The following IL18 variants were observed in gnomAD, a reference collection of about 807,000 sequenced individuals.
IL18 encodes the protein interleukin-18.
Under a neutral mutation model 14.2 loss-of-function variants are expected in IL18, and 8 were observed. The observed-to-expected ratio is 0.56, with a 90% CI of 0.33 to 1.01. The LOEUF (loss-of-function observed/expected upper bound fraction) is 1.01. Ranked by LOEUF, IL18 falls within the 50% of genes least tolerant of loss-of-function variation. The pLI, the probability that IL18 is intolerant of heterozygous loss-of-function variation, is 0.03. For missense variants in IL18, 166 were observed against 231.1 expected, an observed-to-expected ratio of 0.72 and a Z score of 1.83; for synonymous variants, 67 against 71.0, an observed-to-expected ratio of 0.94 and a Z score of 0.28.
chr11:112,162,676 G>T (rs1353997836), intron 1 of IL18, among the ~76,000 whole-genome samples: 1 of 152,166 alleles, frequency 6.6e-6, no homozygotes, highest in Non-Finnish European at 1.5e-5. Flanking sequence ...GAACAGTCCT[G>T]CTATTTTGCA....
chr11:112,143,775 T>C lies in IL18; in HGVS notation c.403A>G (p.Ile135Val), dbSNP rs777830417. ...PDNIKDTKSD[I>V]IFFQRSVPGH... is the part of the protein sequence containing the mutation. ...GGGACACTTCTCTGAAAGAATATGA[T>C]GTCACTTTTTGTATCCTTGATGTTA... Residue 135 changes from isoleucine to valine, a missense_variant, in exon 6 of 6, where the codon ATC becomes GTC. Ile to Val is a conservative substitution (Grantham distance 29, BLOSUM62 3). Transcript: ENST00000280357. 1 of 1,612,056 alleles carries C rather than the reference T, an allele frequency of 6.2e-7. No individual in the cohort carries two copies. Among genetic ancestry groups the C allele is most frequent in the South Asian group, 1.1e-5 (1 of 91,032 alleles).
chr11:112,162,546 T>C (rs375726596), intron 1 of IL18, among the ~76,000 whole-genome samples: 1 of 152,094 alleles, frequency 6.6e-6, no homozygotes, highest in East Asian at 1.9e-4. Flanking sequence ...GTTTTTGCCA[T>C]GTTGCCCAGG....
intron 1 of IL18, among the ~76,000 whole-genome samples, chr11:112,158,521 G>GTTGTTTTTT (rs368733048): frequency 9.5e-6 from 1 of 104,984 alleles, no homozygotes; most frequent in African/African-American, 3.6e-5. Flanking sequence ...TTTATTTGGA[G>GTTGTTTTTT]TTTTTTTTTT....
Position 112,143,302 on chromosome 11 carries a change from T to C in IL18, c.*294A>G. ...TATTTATTTATTTTATTTTTTGAGA[T>C]GGAGTTTTGCTGTTGTTGCCCAGGC... On this transcript the variant is annotated 3_prime_UTR_variant, in exon 6 of 6. Transcript: ENST00000280357. 1 of 204,614 alleles carries C rather than the reference T, an allele frequency of 4.9e-6. No individual in the cohort carries two copies. The highest frequency in any genetic ancestry group is 9.7e-6 in the Non-Finnish European group (1 of 102,770). 12.7% of individuals were successfully genotyped at this position (204,614 alleles called of 1,614,324 possible). A position where few individuals can be genotyped will look rare whatever the true frequency, so the allele number is the denominator to read the frequency against.
chr11:112,148,938 C>T (rs552834311), intron 4 of IL18, among the ~76,000 whole-genome samples: 4 of 151,420 alleles, frequency 2.6e-5, no homozygotes, highest in Admixed American at 6.6e-5. Flanking sequence ...GCCTGTAATC[C>T]CAGCATTTAA....
intron 1 of IL18, among the ~76,000 whole-genome samples, chr11:112,157,490 T>A (rs1866553625): frequency 6.6e-6 from 1 of 152,182 alleles, no homozygotes; most frequent in Non-Finnish European, 1.5e-5. Flanking sequence ...GAGAGTTGGC[T>A]CCTACTCTCC....
At chr11:112,147,126 C>T (rs1167752354) in intron 5 of IL18, among the ~76,000 whole-genome samples, 1 of 151,642 alleles carries the variant, frequency 6.6e-6, no homozygotes, top group African/African-American at 2.4e-5. Context: ...GATGGGGTTT[C>T]TCCATGTTGG....
intron 5 of IL18, among the ~76,000 whole-genome samples, chr11:112,145,160 C>T (rs1240405061): frequency 2.0e-5 from 3 of 152,152 alleles, no homozygotes; most frequent in Non-Finnish European, 4.4e-5. Flanking sequence ...GCAGAGGTCA[C>T]GGGGTTACCT....
intron 1 of IL18, among the ~76,000 whole-genome samples, chr11:112,156,031 T>A (rs2135319982): frequency 6.6e-6 from 1 of 152,324 alleles, no homozygotes. Context: ...ACTTTGAAAT[T>A]ACAGAAGTTT....
rs774720131 is a variant in IL18 at position 112,143,687 on chromosome 11, T to G, written c.491A>C (p.Glu164Ala). Reference sequence around the variant, plus strand: ...GAGTTTAAAAAGGTCTCTCTCTTTTTCACAAGCTAGAAAGTATCCTTCGTA... The same window carrying G: ...GAGTTTAAAAAGGTCTCTCTCTTTTGCACAAGCTAGAAAGTATCCTTCGTA... ...SSYEGYFLAC[E>A]KERDLFKLIL... Residue 164 changes from glutamate (E) to alanine (A), a missense_variant, in exon 6 of 6, where the codon GAA becomes GCA. Coordinates refer to ENST00000280357, the MANE Select transcript of IL18 (RefSeq NM_001562.4). The G allele has an allele frequency of 6.2e-7, 1 of 1,613,090 alleles. No homozygotes were observed. Among genetic ancestry groups the G allele is most frequent in the Non-Finnish European group, 8.5e-7 (1 of 1,179,176 alleles).
intron 5 of IL18, among the ~76,000 whole-genome samples, chr11:112,147,759 T>C (rs367753162): frequency 1.3e-3 from 199 of 152,248 alleles, no homozygotes; most frequent in African/African-American, 4.6e-3. Context: ...CCTAACTGTC[T>C]TTCAGTGGGG....
At chr11:112,155,353 T>C (rs1016828180) in intron 1 of IL18, among the ~76,000 whole-genome samples, 3 of 152,170 alleles carry the variant, frequency 2.0e-5, no homozygotes, top group African/African-American at 4.8e-5. Context: ...CCTTGAGAAA[T>C]ATAAATATAT....
chr11:112,153,820 T>G (rs1013250950), intron 2 of IL18, among the ~76,000 whole-genome samples: 2 of 152,194 alleles, frequency 1.3e-5, no homozygotes. Flanking sequence ...TCAGGTAATT[T>G]AGACATAAAA....
intron 1 of IL18, among the ~76,000 whole-genome samples, chr11:112,163,296 A>G (rs1021938275): frequency 1.3e-5 from 2 of 152,190 alleles, no homozygotes; most frequent in Non-Finnish European, 2.9e-5. Context: ...GTTTGCTTTT[A>G]ATGTAACTGA....
intron 5 of IL18, among the ~76,000 whole-genome samples, chr11:112,146,832 A>G (rs1030986362): frequency 6.7e-6 from 1 of 148,626 alleles, no homozygotes; most frequent in Admixed American, 6.7e-5. Context: ...AGATTCCCTC[A>G]TTTGCACAGA....
chr11:112,156,062 T>C lies in IL18; in HGVS notation c.-8-1001A>G, dbSNP rs5744244. Among the ~76,000 whole-genome samples the C allele has an allele frequency of 6.2e-3, 943 of 152,318 alleles. 15 individuals are homozygous for C. The highest frequency in any genetic ancestry group is 0.022 in the African/African-American group (904 of 41,558). On this transcript the variant is annotated intron_variant, in intron 1 of 5. Transcript: ENST00000280357. ...AGTTTAGTCCTCACAGTAGATCTTA[T>C]TATTTAATGTGTTGGTAAAAAGGCA...
At chr11:112,149,136 C>T (rs1866391074) in intron 4 of IL18, among the ~76,000 whole-genome samples, 1 of 151,856 alleles carries the variant, frequency 6.6e-6, no homozygotes, top group African/African-American at 2.4e-5. Context: ...ACTAAAAATA[C>T]AAAAATTAGC....
At chr11:112,150,383 T>C in intron 3 of IL18, 177 bp from the exon 4 acceptor site, 1 of 540,272 alleles carries the variant, frequency 1.9e-6, no homozygotes, top group East Asian at 3.1e-5. Flanking sequence ...ACTCAATTTC[T>C]TGTTACCATT....
At chr11:112,154,436 G>C (rs542124375) in intron 2 of IL18, among the ~76,000 whole-genome samples, 3 of 151,546 alleles carry the variant, frequency 2.0e-5, no homozygotes, top group Admixed American at 6.6e-5. Flanking sequence ...TGAGGCAGGA[G>C]AATTGCTTGA....
Sources: allele counts gnomAD v4.1 joint callset (sites outside exome capture counted in the v4.1 genomes callset), GRCh38; gene constraint gnomAD v4.1.1; transcripts MANE v1.5; gene names NCBI Gene and HGNC (gene_info 2026-07-23, HGNC 2026-07-21).